RASA2: variants seen among roughly 807,000 people sequenced by gnomAD.
The protein encoded by RASA2 is RAS p21 protein activator 2.
Under a neutral mutation model 118.2 loss-of-function variants are expected in RASA2, and 155 were observed. That is an observed-to-expected ratio of 1.31 (90% confidence interval 1.15 to 1.50). The LOEUF is 1.50. RASA2 is among the 40% of genes most tolerant of loss of function. RASA2 has a pLI of 0.00. For missense variants in RASA2, 1,016 were observed against 1,009.6 expected (o/e 1.01, Z -0.09); for synonymous variants, 353 against 349.1 (o/e 1.01, Z -0.12).
intron 5 of RASA2, among the ~76,000 whole-genome samples, chr3:141,548,932 C>T (rs983513862): frequency 9.9e-5 from 15 of 152,138 alleles, no homozygotes; most frequent in African/African-American, 3.1e-4. Context: ...ATGACCTCTT[C>T]CTCTGTGTTC....
At chr3:141,562,743 G>C (rs1251509414) in intron 9 of RASA2, among the ~76,000 whole-genome samples, 1 of 151,464 alleles carries the variant, frequency 6.6e-6, no homozygotes, top group Non-Finnish European at 1.5e-5. Context: ...CGCCATCTTG[G>C]CCCACTGCAA....
intron 3 of RASA2, among the ~76,000 whole-genome samples, chr3:141,528,735 A>G (rs574166263): frequency 6.6e-6 from 1 of 152,030 alleles, no homozygotes; most frequent in African/African-American, 2.4e-5. Flanking sequence ...ACAAAAGTTG[A>G]CGTATCTTGA....
At chr3:141,566,029 C>T (rs1480790625) in intron 9 of RASA2, among the ~76,000 whole-genome samples, 1 of 152,118 alleles carries the variant, frequency 6.6e-6, no homozygotes, top group Non-Finnish European at 1.5e-5. Context: ...AATAAATGTT[C>T]TATTAAAGCC....
intron 4 of RASA2, 79 bp downstream of exon 4, chr3:141,529,881 TA>T (rs2082236381): frequency 1.8e-6 from 2 of 1,099,694 alleles, no homozygotes; most frequent in Middle Eastern, 2.1e-4. Context: ...CTGGTTCATG[TA>T]AATAGAGCAT....
chr3:141,571,587 A>C, intron 11 of RASA2, 33 bp downstream of exon 11: 1 of 1,567,112 alleles, frequency 6.4e-7, no homozygotes, highest in Non-Finnish European at 8.7e-7. Flanking sequence ...TGTTAATTAC[A>C]TGTTGTTGAA....
intron 1 of RASA2, among the ~76,000 whole-genome samples, chr3:141,496,758 G>T (rs576714592): frequency 1.3e-5 from 2 of 152,158 alleles, no homozygotes; most frequent in Non-Finnish European, 2.9e-5. Flanking sequence ...TCAGTGTGGC[G>T]ATTCCTCAGG....
chr3:141,529,591 C>A, intron 3 of RASA2, 117 bp from the exon 4 acceptor site: 1 of 587,890 alleles, frequency 1.7e-6, no homozygotes, highest in South Asian at 5.3e-5. Context: ...ATTTTTATGT[C>A]AATAGGTACA....
At chr3:141,589,818 G>A (rs559785609) in intron 19 of RASA2, among the ~76,000 whole-genome samples, 6 of 151,344 alleles carry the variant, frequency 4.0e-5, no homozygotes, top group Non-Finnish European at 8.8e-5. Flanking sequence ...TCCAGCCTGG[G>A]TAACAGAATG....
At position 141,586,706 on chromosome 3, in the gene RASA2, A is replaced by G; in HGVS notation, c.1887A>G (p.Arg629=). The G allele has an allele frequency of 1.9e-6, 3 of 1,613,788 alleles. No homozygotes were observed. The highest frequency in any genetic ancestry group is 1.7e-6 in the Non-Finnish European group (2 of 1,179,800). Residue 629 remains arginine (R), a synonymous_variant, in exon 19 of 24, where the codon CGA becomes CGG. Transcript: ENST00000286364. ...TTGGAAAAAAGAATTTTAAGAAACG[A>G]TGGTTCTGCTTAACAAGCAGAGAGC... ...TRIGKKNFKK[R]WFCLTSRELT... is the part of the protein sequence containing the mutation.
chr3:141,546,708 C>T (rs988371263), intron 5 of RASA2, among the ~76,000 whole-genome samples: 1 of 152,096 alleles, frequency 6.6e-6, no homozygotes, highest in African/African-American at 2.4e-5. Flanking sequence ...TCCCATTTGT[C>T]TATTTTCGCT....
At chr3:141,517,435 C>A (rs2082043090) in intron 3 of RASA2, among the ~76,000 whole-genome samples, 2 of 152,146 alleles carry the variant, frequency 1.3e-5, no homozygotes, top group African/African-American at 4.8e-5. Context: ...GCAAGCACAT[C>A]TTCACATGGC....
chr3:141,579,393 C>T (rs566968655), intron 15 of RASA2: 35 of 152,192 alleles, frequency 2.3e-4, no homozygotes, highest in African/African-American at 7.9e-4. Context: ...TGAGGGAACA[C>T]CGTTTAGTCA....
intron 3 of RASA2, among the ~76,000 whole-genome samples, chr3:141,528,713 T>C (rs1038903284): frequency 6.6e-6 from 1 of 151,976 alleles, no homozygotes; most frequent in Non-Finnish European, 1.5e-5. Flanking sequence ...TTCCTTCCTT[T>C]TCACTTGATA....
At chr3:141,512,034 A>G (rs1201310380) in intron 1 of RASA2, 129 bp from the exon 2 acceptor site, 2 of 640,596 alleles carry the variant, frequency 3.1e-6, no homozygotes, top group Non-Finnish European at 5.3e-6. Flanking sequence ...ATCTTTCTGT[A>G]ATCACTAGTG....
intron 19 of RASA2, among the ~76,000 whole-genome samples, chr3:141,589,767 G>T (rs2083260076): frequency 6.6e-6 from 1 of 151,968 alleles, no homozygotes; most frequent in Non-Finnish European, 1.5e-5. Context: ...CTTGAACCTG[G>T]GAGGCGGAGG....
intron 5 of RASA2, among the ~76,000 whole-genome samples, chr3:141,551,213 T>C (rs2082570232): frequency 6.6e-6 from 1 of 152,220 alleles, no homozygotes; most frequent in South Asian, 2.1e-4. Context: ...TTGGTTAAGT[T>C]ACTTAGAAAC....
At chr3:141,587,562 A>G (rs1474649302) in intron 19 of RASA2, among the ~76,000 whole-genome samples, 1 of 152,042 alleles carries the variant, frequency 6.6e-6, no homozygotes, top group East Asian at 1.9e-4. Context: ...AAGTACAAAA[A>G]AATTAGCTGG....
At chr3:141,545,995 G>C (rs1455336521) in intron 5 of RASA2, among the ~76,000 whole-genome samples, 4 of 152,130 alleles carry the variant, frequency 2.6e-5, no homozygotes, top group Non-Finnish European at 4.4e-5. Flanking sequence ...TTAACGTAAT[G>C]ATCTCCAGTT....
chr3:141,545,689 G>C (rs2082474949), intron 5 of RASA2, among the ~76,000 whole-genome samples: 1 of 151,570 alleles, frequency 6.6e-6, no homozygotes, highest in Non-Finnish European at 1.5e-5. Flanking sequence ...CTCGTGATGT[G>C]CCCACCTCAG....
Sources: gnomAD v4.1 joint callset for allele counts (sites outside exome capture counted in the v4.1 genomes callset) on GRCh38, gnomAD v4.1.1 for gene constraint, MANE v1.5 for transcripts, NCBI Gene and HGNC (gene_info 2026-07-23, HGNC 2026-07-21) for gene names.